The following VPS8 variants were observed in gnomAD, a reference collection of about 807,000 sequenced individuals.
VPS8 encodes vacuolar protein sorting-associated protein 8 homolog.
A neutral mutation model predicts 216.4 loss-of-function variants in VPS8; 129 were observed. That is an observed-to-expected ratio of 0.60 (90% CI 0.52 to 0.69). The LOEUF (loss-of-function observed/expected upper bound fraction) is 0.69, where lower values mean the gene tolerates loss of function less well. Ranked by LOEUF, VPS8 falls within the 30% of genes least tolerant of loss-of-function variation. The pLI, the probability that VPS8 is intolerant of heterozygous loss-of-function variation, is 0.00. For missense variants in VPS8, 1,531 were observed against 1,683.5 expected (o/e 0.91, Z 1.59); for synonymous variants, 571 against 565.4 (o/e 1.01, Z -0.14).
chr3:185,043,771 A>G (rs556071889), intron 46 of VPS8, among the ~76,000 whole-genome samples: 58 of 152,314 alleles, frequency 3.8e-4, no homozygotes, highest in African/African-American at 1.4e-3. Flanking sequence ...TTTTGAAATT[A>G]AAGCAGAATC....
chr3:184,861,727 C>T (rs539728346), intron 15 of VPS8, among the ~76,000 whole-genome samples: 21 of 152,292 alleles, frequency 1.4e-4, no homozygotes, highest in Admixed American at 3.9e-4. Context: ...ACACTTGCAA[C>T]GCTGCGGGTC....
chr3:184,960,448 T>C (rs1746327753), intron 37 of VPS8, among the ~76,000 whole-genome samples: 1 of 152,226 alleles, frequency 6.6e-6, no homozygotes, highest in African/African-American at 2.4e-5. Flanking sequence ...TTCTGTGGCC[T>C]ACAACAGTTT....
At chr3:184,864,765 C>CTCT (rs746044342) in intron 16 of VPS8, among the ~76,000 whole-genome samples, 9 of 152,154 alleles carry the variant, frequency 5.9e-5, no homozygotes, top group Non-Finnish European at 1.3e-4. Context: ...AATAGGAATA[C>CTCT]AGAAAGATCC....
intron 16 of VPS8, among the ~76,000 whole-genome samples, chr3:184,864,660 G>A (rs749589872): frequency 2.0e-5 from 3 of 152,160 alleles, no homozygotes; most frequent in African/African-American, 2.4e-5. Flanking sequence ...AATAAATGGC[G>A]CACTGGTCCC....
intron 14 of VPS8, among the ~76,000 whole-genome samples, chr3:184,857,126 A>C (rs774886287): frequency 2.6e-5 from 4 of 152,362 alleles, no homozygotes; most frequent in Middle Eastern, 3.4e-3. Context: ...TCCAGCCACT[A>C]GGACAGTGCT....
intron 42 of VPS8, among the ~76,000 whole-genome samples, chr3:184,991,965 A>G (rs565100488): frequency 7.0e-4 from 107 of 152,284 alleles, no homozygotes; most frequent in African/African-American, 2.5e-3. Flanking sequence ...TTCAAGCCCA[A>G]ACTTGTTAAT....
chr3:184,901,083 A>G, intron 25 of VPS8, 111 bp downstream of exon 25: 1 of 921,106 alleles, frequency 1.1e-6, no homozygotes, highest in Non-Finnish European at 1.7e-6. Context: ...GTAATCATGT[A>G]CAGTCATGTA....
chr3:184,983,191 A>C, intron 42 of VPS8, 97 bp downstream of exon 42: 6 of 1,094,684 alleles, frequency 5.5e-6, no homozygotes, highest in East Asian at 3.0e-5. Flanking sequence ...AATGGATCTC[A>C]AGCATAATGC....
At chr3:184,907,229 C>G (rs770675070) in intron 25 of VPS8, among the ~76,000 whole-genome samples, 3 of 152,154 alleles carry the variant, frequency 2.0e-5, no homozygotes, top group Non-Finnish European at 4.4e-5. Context: ...CTTTTGAGTC[C>G]TTGATCAACC....
intron 44 of VPS8, among the ~76,000 whole-genome samples, chr3:184,997,072 T>C (rs919811883): frequency 6.6e-6 from 1 of 152,220 alleles, no homozygotes; most frequent in African/African-American, 2.4e-5. Flanking sequence ...TAGACAGTTA[T>C]TCAAGTCAGA....
At chr3:184,925,025 C>G in intron 30 of VPS8, 44 bp downstream of exon 30, 1 of 1,576,810 alleles carries the variant, frequency 6.3e-7, no homozygotes, top group South Asian at 1.2e-5. Context: ...TTCCTGTTTA[C>G]TGCGCACAGT....
chr3:184,918,027 A>T (rs897486576), intron 28 of VPS8, among the ~76,000 whole-genome samples: 1 of 152,212 alleles, frequency 6.6e-6, no homozygotes, highest in East Asian at 1.9e-4. Flanking sequence ...AAATGGATTG[A>T]AATGAGATAA....
chr3:184,818,102 A>C (rs139636672), intron 1 of VPS8, among the ~76,000 whole-genome samples: 1 of 152,038 alleles, frequency 6.6e-6, no homozygotes, highest in Non-Finnish European at 1.5e-5. Context: ...GAAGCTATTC[A>C]TGAAGGACTC....
At chr3:185,051,404 G>A (rs923259186) in intron 47 of VPS8, among the ~76,000 whole-genome samples, 43 of 152,298 alleles carry the variant, frequency 2.8e-4, no homozygotes, top group African/African-American at 1.0e-3. Context: ...GGTTACAGAA[G>A]AGAGGTCAGA....
At chr3:185,011,460 G>GA (rs1268411575) in intron 45 of VPS8, among the ~76,000 whole-genome samples, 1 of 152,222 alleles carries the variant, frequency 6.6e-6, no homozygotes, top group African/African-American at 2.4e-5. Context: ...AGTTGAGGGA[G>GA]AAAATCTCAG....
intron 46 of VPS8, among the ~76,000 whole-genome samples, chr3:185,043,017 C>T (rs73067333): frequency 0.019 from 2,860 of 152,216 alleles, 41 homozygotes; most frequent in South Asian, 0.035. Flanking sequence ...ATGACACAGC[C>T]TTCACCTAGT....
At chr3:184,992,454 G>A (rs147205109) in intron 42 of VPS8, among the ~76,000 whole-genome samples, 145 of 152,116 alleles carry the variant, frequency 9.5e-4, no homozygotes, top group Middle Eastern at 3.4e-3. Context: ...TATTAAAAGC[G>A]TGATTTCTGA....
chr3:184,864,135 G>A (rs1021507755), intron 16 of VPS8, among the ~76,000 whole-genome samples: 5 of 150,786 alleles, frequency 3.3e-5, no homozygotes, highest in Admixed American at 1.3e-4. Context: ...GAAGGAGAAG[G>A]AGAAGGGAGG....
intron 46 of VPS8, among the ~76,000 whole-genome samples, chr3:185,041,454 C>T (rs771073300): frequency 1.4e-4 from 21 of 152,024 alleles, no homozygotes; most frequent in Non-Finnish European, 2.2e-4. Context: ...CCTATGCCCT[C>T]TATGGAAGGG....
Sources: gnomAD v4.1 joint callset for allele counts (sites outside exome capture counted in the v4.1 genomes callset) on GRCh38, gnomAD v4.1.1 for gene constraint, MANE v1.5 for transcripts, NCBI Gene and HGNC (gene_info 2026-07-23, HGNC 2026-07-21) for gene names.